MAPRE2: variants seen among roughly 807,000 people sequenced by gnomAD.
MAPRE2 encodes microtubule associated protein RP/EB family member 2, also known as microtubule-associated protein RP/EB family member 2.
MAPRE2 carries 13 observed loss-of-function variants against 43.2 expected under a neutral mutation model. That is an observed-to-expected ratio of 0.30 (90% CI 0.20 to 0.48). The LOEUF is 0.48. Ranked by LOEUF, MAPRE2 falls within the 20% of genes least tolerant of loss-of-function variation. MAPRE2 has a pLI of 0.99. For synonymous variants in MAPRE2, 135 were observed against 148.8 expected, an observed-to-expected ratio of 0.91 and a Z score of 0.68; for missense variants, 161 against 400.2, an observed-to-expected ratio of 0.40 and a Z score of 5.10.
chr18:35,130,308 T>C (rs1201958601), intron 5 of MAPRE2, among the ~76,000 whole-genome samples: 2 of 152,178 alleles, frequency 1.3e-5, no homozygotes, highest in Non-Finnish European at 2.9e-5. Flanking sequence ...GAATTTAAGC[T>C]GGTCACCTTC....
intron 1 of MAPRE2, among the ~76,000 whole-genome samples, chr18:35,048,119 G>A (rs1905729774): frequency 6.6e-6 from 1 of 152,146 alleles, no homozygotes; most frequent in Non-Finnish European, 1.5e-5. Context: ...AGGCCTCAGG[G>A]AGCTTTCACT....
intron 1 of MAPRE2, among the ~76,000 whole-genome samples, chr18:34,993,906 A>G (rs2097025062): frequency 6.6e-6 from 1 of 152,106 alleles, no homozygotes; most frequent in East Asian, 1.9e-4. Context: ...AATTAAATGA[A>G]TCCTAGTGTT....
chr18:34,993,437 A>G (rs961502059), intron 1 of MAPRE2, among the ~76,000 whole-genome samples: 2 of 151,944 alleles, frequency 1.3e-5, no homozygotes, highest in Non-Finnish European at 2.9e-5. Context: ...GAGGCACTAG[A>G]TCATGCAAGA....
chr18:35,047,716 T>TAAAA (rs34691999), intron 1 of MAPRE2, among the ~76,000 whole-genome samples: 8 of 143,066 alleles, frequency 5.6e-5, no homozygotes, highest in East Asian at 4.0e-4. Flanking sequence ...GTAGGTTACT[T>TAAAA]AAAAAAAAAA....
intron 1 of MAPRE2, among the ~76,000 whole-genome samples, chr18:35,043,714 A>G (rs1905478527): frequency 6.6e-6 from 1 of 152,240 alleles, no homozygotes; most frequent in Non-Finnish European, 1.5e-5. Flanking sequence ...TGGATGATAT[A>G]GCGAGAGGTG....
chr18:35,034,043 C>T (rs1317613829), intron 2 of MAPRE2, among the ~76,000 whole-genome samples: 3 of 151,972 alleles, frequency 2.0e-5, no homozygotes, highest in South Asian at 4.2e-4. Context: ...CAAAAAAGAG[C>T]CCACATCACC....
rs1238040714 is a variant in MAPRE2, at chr18:35,126,289, T to A, written c.611-659T>A. The stretch of plus-strand genomic sequence containing the variant: ...CTAGTTGAGAGCCCCTTCAAGCTCT[T>A]GATATAAATCCTGGAGCACCTCCTT... On this transcript the variant is annotated intron_variant, in intron 4 of 6. Coordinates refer to ENST00000300249, the MANE Select transcript of MAPRE2 (RefSeq NM_014268.4). Among the ~76,000 whole-genome samples the A allele has an allele frequency of 2.0e-5, 3 of 152,222 alleles. No homozygotes were observed. The East Asian group carries it at 5.8e-4, about 29-fold the overall frequency.
intron 4 of MAPRE2, among the ~76,000 whole-genome samples, chr18:35,119,762 T>C (rs1421621763): frequency 6.6e-6 from 1 of 152,248 alleles, no homozygotes; most frequent in Non-Finnish European, 1.5e-5. Context: ...CTTTATACAG[T>C]AGTTGTTCAC....
upstream of MAPRE2, chr18:35,041,350 G>A: frequency 6.9e-7 from 1 of 1,439,812 alleles, no homozygotes; most frequent in South Asian, 1.4e-5. Context: ...GCTGCTGCCG[G>A]CGCTCTGACG....
At chr18:35,106,377 G>A (rs1908907185) in intron 4 of MAPRE2, among the ~76,000 whole-genome samples, 1 of 151,944 alleles carries the variant, frequency 6.6e-6, no homozygotes, top group Non-Finnish European at 1.5e-5. Context: ...CTATTATACA[G>A]TAAGAGCAGT....
intron 1 of MAPRE2, among the ~76,000 whole-genome samples, chr18:34,981,874 T>TTA (rs2068987944): frequency 1.9e-4 from 6 of 32,100 alleles, no homozygotes; most frequent in African/African-American, 4.1e-4. Flanking sequence ...ATTTTTTTTT[T>TTA]TTATTTTTAT....
chr18:35,062,753 A>G (rs1906598962), intron 1 of MAPRE2, among the ~76,000 whole-genome samples: 2 of 152,328 alleles, frequency 1.3e-5, no homozygotes, highest in Middle Eastern at 3.4e-3. Context: ...TCTAACCATT[A>G]CCTTAATAAA....
chr18:34,984,480 T>C (rs983115357), intron 1 of MAPRE2: 38 of 151,954 alleles, frequency 2.5e-4, no homozygotes, highest in African/African-American at 8.2e-4. Context: ...AACGTAAGTT[T>C]TGAGGTACAT....
At position 35,091,830 on chromosome 18, in the gene MAPRE2, C is replaced by T. The variant is rs1908164967; in HGVS notation, c.251-5616C>T. ...CATCATACTGGCATGATGTATTAGC[C>T]TATTCTTGCATTGCTATACAGAAAT... On this transcript the variant is annotated intron_variant, in intron 2 of 6. Transcript: ENST00000300249. 5.9e-5 allele frequency among the ~76,000 whole-genome samples: 9 copies of T among 152,200 alleles called. No homozygotes were observed. In the South Asian group the frequency reaches 1.9e-3, roughly 32 times the overall value.
At chr18:35,022,751 G>A (rs549082789) in intron 2 of MAPRE2, among the ~76,000 whole-genome samples, 1 of 152,276 alleles carries the variant, frequency 6.6e-6, no homozygotes, top group Admixed American at 6.5e-5. Context: ...GTAGATGCTA[G>A]TCATTTTTAT....
chr18:34,996,194 G>T (rs558069942), intron 1 of MAPRE2, among the ~76,000 whole-genome samples: 1 of 152,214 alleles, frequency 6.6e-6, no homozygotes, highest in African/African-American at 2.4e-5. Flanking sequence ...ATTATTTTGT[G>T]TTTATTACCT....
chr18:35,096,058 A>T (rs1908401960), intron 2 of MAPRE2, among the ~76,000 whole-genome samples: 1 of 152,212 alleles, frequency 6.6e-6, no homozygotes, highest in Admixed American at 6.5e-5. Context: ...AACAACCCTT[A>T]GATTCCTGAT....
chr18:35,095,866 T>C (rs1235214674), intron 2 of MAPRE2, among the ~76,000 whole-genome samples: 3 of 152,108 alleles, frequency 2.0e-5, no homozygotes, highest in Non-Finnish European at 4.4e-5. Flanking sequence ...TTGATTTGTT[T>C]TATTTTGTCT....
intron 2 of MAPRE2, among the ~76,000 whole-genome samples, chr18:35,095,653 C>T (rs762008021): frequency 6.6e-6 from 1 of 151,324 alleles, no homozygotes; most frequent in Admixed American, 6.6e-5. Context: ...TCTACAAAAG[C>T]GAAAATAACT....
Sources: gnomAD v4.1 joint callset for allele counts (sites outside exome capture counted in the v4.1 genomes callset) on GRCh38, gnomAD v4.1.1 for gene constraint, MANE v1.5 for transcripts, NCBI Gene and HGNC (gene_info 2026-07-23, HGNC 2026-07-21) for gene names.